AGBL3: variants seen among roughly 807,000 people sequenced by gnomAD.
AGBL3 encodes cytosolic carboxypeptidase 3.
Under a neutral mutation model 94.5 loss-of-function variants are expected in AGBL3, and 68 were observed. The ratio of observed to expected loss-of-function variants is 0.72; its 90% CI spans 0.59 to 0.88. The LOEUF is 0.88. Ranked by LOEUF, AGBL3 falls within the 40% of genes least tolerant of loss-of-function variation. The pLI is 0.00. For missense variants in AGBL3, 934 were observed against 1,103.8 expected (o/e 0.85, Z 2.18); for synonymous variants, 354 against 370.7 (o/e 0.95, Z 0.52).
chr7:135,067,296 C>T (rs1288020478), intron 12 of AGBL3, among the ~76,000 whole-genome samples: 1 of 152,238 alleles, frequency 6.6e-6, no homozygotes, highest in Non-Finnish European at 1.5e-5. Context: ...CCTCTGTAGA[C>T]TATTCCACCT....
intron 4 of AGBL3, among the ~76,000 whole-genome samples, chr7:134,999,158 T>G (rs1478268074): frequency 6.6e-6 from 1 of 152,242 alleles, no homozygotes; most frequent in Non-Finnish European, 1.5e-5. Context: ...TGAAGAAATA[T>G]AACTTGATGG....
chr7:135,129,342 G>A, intron 16 of AGBL3: 2 of 1,105,832 alleles, frequency 1.8e-6, no homozygotes, highest in South Asian at 2.5e-5. Context: ...GAAATTAATA[G>A]ACTTACTAAA....
At chr7:135,083,570 C>G (rs113864410) in intron 15 of AGBL3, among the ~76,000 whole-genome samples, 135 of 152,178 alleles carry the variant, frequency 8.9e-4, no homozygotes, top group African/African-American at 3.1e-3. Context: ...GGAAATTCAA[C>G]TTGATACAAC....
At chr7:134,991,738 C>G (rs1810309466) in intron 3 of AGBL3, among the ~76,000 whole-genome samples, 1 of 151,122 alleles carries the variant, frequency 6.6e-6, no homozygotes. Flanking sequence ...TTATTCTGCT[C>G]AAGAGAAAAA....
chr7:135,104,278 G>A (rs1824308238), intron 15 of AGBL3, among the ~76,000 whole-genome samples: 2 of 152,112 alleles, frequency 1.3e-5, no homozygotes, highest in Admixed American at 6.6e-5. Flanking sequence ...AGTATTCCAT[G>A]GTGTATGTGT....
chr7:134,999,289 C>T (rs750203899), intron 4 of AGBL3, among the ~76,000 whole-genome samples: 3 of 152,188 alleles, frequency 2.0e-5, no homozygotes, highest in Non-Finnish European at 4.4e-5. Context: ...TGTCAGGACC[C>T]TTTTATAGTC....
chr7:135,128,765 T>A, intron 16 of AGBL3: 1 of 1,340,448 alleles, frequency 7.5e-7, no homozygotes, highest in Non-Finnish European at 1.1e-6. Context: ...AACACAGAGC[T>A]AGATTTTGGA....
intron 4 of AGBL3, among the ~76,000 whole-genome samples, chr7:135,006,611 A>G (rs1016404856): frequency 6.6e-6 from 1 of 151,962 alleles, no homozygotes; most frequent in African/African-American, 2.4e-5. Context: ...CCTTATGGAA[A>G]ATAGTCATCT....
intron 5 of AGBL3, among the ~76,000 whole-genome samples, chr7:135,024,653 G>A (rs1276435666): frequency 6.6e-6 from 1 of 152,192 alleles, no homozygotes; most frequent in African/African-American, 2.4e-5. Context: ...AGATTGAAAT[G>A]ACTGAAATGA....
intron 8 of AGBL3, among the ~76,000 whole-genome samples, chr7:135,042,905 C>T (rs1817000825): frequency 6.6e-6 from 1 of 152,022 alleles, no homozygotes. Flanking sequence ...GAGAGAGACC[C>T]TGTCTCAAAA....
intron 5 of AGBL3, among the ~76,000 whole-genome samples, chr7:135,032,422 A>G (rs916316412): frequency 4.0e-5 from 6 of 151,352 alleles, no homozygotes; most frequent in Non-Finnish European, 8.8e-5. Context: ...CTCCTGCCTC[A>G]GCCTCCTGGG....
At chr7:135,116,754 G>A (rs1826374829) in intron 16 of AGBL3, among the ~76,000 whole-genome samples, 1 of 152,168 alleles carries the variant, frequency 6.6e-6, no homozygotes, top group African/African-American at 2.4e-5. Flanking sequence ...TTACATGGGT[G>A]GGAGTGAGGG....
At chr7:135,010,004 G>A (rs1308133325) in intron 4 of AGBL3, 1 of 425,734 alleles carries the variant, frequency 2.3e-6, no homozygotes. Flanking sequence ...ATTTTTTGTT[G>A]TAAGGGTGAG....
At chr7:135,071,748 T>C (rs1024502147) in intron 12 of AGBL3, among the ~76,000 whole-genome samples, 5 of 152,220 alleles carry the variant, frequency 3.3e-5, no homozygotes, top group Non-Finnish European at 7.3e-5. Context: ...TTACACCTTA[T>C]ACAAAAATTA....
At chr7:135,058,591 C>T (rs1818540600) in intron 11 of AGBL3, among the ~76,000 whole-genome samples, 1 of 151,966 alleles carries the variant, frequency 6.6e-6, no homozygotes, top group African/African-American at 2.4e-5. Flanking sequence ...GCACTATTTC[C>T]ACTCTGGTGA....
chr7:135,101,658 T>TA lies in AGBL3; in HGVS notation c.2111-13721dup, dbSNP rs769535308. ...AACCATCTTTTACTTCATCACTCTT[T>TA]AGAGTGGCCCTTAACTAATTGAAGA... On this transcript the variant is annotated intron_variant, in intron 15 of 16. Coordinates refer to ENST00000436302, the MANE Select transcript of AGBL3 (RefSeq NM_178563.4). Among the ~76,000 whole-genome samples the TA allele has an allele frequency of 1.5e-3, 229 of 152,272 alleles. 1 individual carries two copies. The highest frequency in any genetic ancestry group is 5.6e-3 in the Admixed American group (85 of 15,290).
intron 4 of AGBL3, among the ~76,000 whole-genome samples, chr7:135,007,954 C>A (rs192214256): frequency 5.3e-5 from 8 of 152,018 alleles, no homozygotes; most frequent in African/African-American, 1.9e-4. Context: ...ACAAGACATA[C>A]TCTGACAACT....
At chr7:135,054,837 G>A (rs541349125) in intron 11 of AGBL3, among the ~76,000 whole-genome samples, 5 of 152,008 alleles carry the variant, frequency 3.3e-5, no homozygotes, top group East Asian at 1.9e-4. Flanking sequence ...TTCTCTTATT[G>A]TCTTACTCTG....
chr7:135,047,864 T>C (rs1817516347), intron 11 of AGBL3, among the ~76,000 whole-genome samples: 1 of 152,024 alleles, frequency 6.6e-6, no homozygotes, highest in Admixed American at 6.6e-5. Flanking sequence ...AGAAGCGTTT[T>C]AGTTTGATGT....
Sources: gnomAD v4.1 joint callset for allele counts (sites outside exome capture counted in the v4.1 genomes callset) on GRCh38, gnomAD v4.1.1 for gene constraint, MANE v1.5 for transcripts, NCBI Gene and HGNC (gene_info 2026-07-23, HGNC 2026-07-21) for gene names.